SLIT3: variants seen among roughly 807,000 people sequenced by gnomAD.
SLIT3 encodes slit guidance ligand 3, also known as slit homolog 3 protein.
In SLIT3, 68 loss-of-function variants were observed where a neutral mutation model predicts 184.0. The observed-to-expected ratio is 0.37, with a 90% CI of 0.30 to 0.45. The LOEUF is 0.45. SLIT3 is among the 20% of genes least tolerant of loss of function. The pLI is 1.00. For missense variants in SLIT3, 1,707 were observed against 2,026.0 expected, an observed-to-expected ratio of 0.84 and a Z score of 3.02; for synonymous variants, 831 against 828.6, an observed-to-expected ratio of 1.00 and a Z score of -0.05.
At chr5:168,947,874 C>G (rs1331594856) in intron 4 of SLIT3, among the ~76,000 whole-genome samples, 1 of 151,988 alleles carries the variant, frequency 6.6e-6, no homozygotes, top group Non-Finnish European at 1.5e-5. Flanking sequence ...CTCACTGCAA[C>G]CTCTGTCTCC....
intron 26 of SLIT3, among the ~76,000 whole-genome samples, chr5:168,705,979 T>C (rs56220657): frequency 0.03 from 4,534 of 152,296 alleles, 234 homozygotes; most frequent in African/African-American, 0.1. Flanking sequence ...CTGGCCTTTA[T>C]TGATGATTCA....
At chr5:168,933,266 G>T (rs1212103434) in intron 4 of SLIT3, among the ~76,000 whole-genome samples, 1 of 151,246 alleles carries the variant, frequency 6.6e-6, no homozygotes, top group Non-Finnish European at 1.5e-5. Flanking sequence ...AGAGGAGGCT[G>T]GGCGCGGTGG....
intron 35 of SLIT3, among the ~76,000 whole-genome samples, chr5:168,668,918 G>A (rs1030764595): frequency 3.9e-5 from 6 of 152,344 alleles, no homozygotes; most frequent in South Asian, 4.1e-4. Flanking sequence ...ACAGGCGACC[G>A]CCATGATGCC....
At chr5:168,975,080 C>G (rs57736830) in intron 4 of SLIT3, among the ~76,000 whole-genome samples, 33,989 of 152,072 alleles carry the variant, frequency 0.22, 4,165 homozygotes, top group East Asian at 0.41. Context: ...CACACAGACC[C>G]CCCTACTGAG....
intron 4 of SLIT3, among the ~76,000 whole-genome samples, chr5:169,109,335 G>A (rs568275274): frequency 6.6e-6 from 1 of 152,314 alleles, no homozygotes; most frequent in South Asian, 2.1e-4. Flanking sequence ...CAAAAAGTGG[G>A]ACCCTTAGTC....
intron 11 of SLIT3, among the ~76,000 whole-genome samples, chr5:168,789,276 G>T (rs1176490425): frequency 3.4e-5 from 5 of 145,914 alleles, no homozygotes; most frequent in African/African-American, 5.1e-5. Context: ...CGTGGGGTGG[G>T]AGGGGGACGT....
intron 3 of SLIT3, among the ~76,000 whole-genome samples, chr5:169,202,164 G>A (rs1348701635): frequency 2.0e-5 from 3 of 152,070 alleles, no homozygotes; most frequent in Non-Finnish European, 4.4e-5. Context: ...CTTGGGAGGT[G>A]GAGGTTGCAG....
chr5:169,128,597 G>A (rs1197876460), intron 4 of SLIT3, among the ~76,000 whole-genome samples: 4 of 151,876 alleles, frequency 2.6e-5, no homozygotes, highest in African/African-American at 9.7e-5. Flanking sequence ...CCTGGCTAAT[G>A]TTTTTGTATT....
chr5:169,179,438 A>G (rs1035414793), intron 4 of SLIT3, among the ~76,000 whole-genome samples: 5 of 152,188 alleles, frequency 3.3e-5, no homozygotes, highest in Admixed American at 3.3e-4. Context: ...AGATGAAGCC[A>G]ACACAGCTTA....
At chr5:169,082,895 C>T (rs1410565596) in intron 4 of SLIT3, among the ~76,000 whole-genome samples, 1 of 152,240 alleles carries the variant, frequency 6.6e-6, no homozygotes, top group Non-Finnish European at 1.5e-5. Context: ...ACCACTCACA[C>T]ATTGACAAAT....
chr5:168,828,064 A>G (rs896507746), intron 6 of SLIT3, among the ~76,000 whole-genome samples: 1 of 152,232 alleles, frequency 6.6e-6, no homozygotes, highest in Admixed American at 6.5e-5. Flanking sequence ...GGCAAGGCAC[A>G]TAACTGCTCG....
intron 4 of SLIT3, among the ~76,000 whole-genome samples, chr5:169,053,123 T>C (rs957275042): frequency 1.3e-4 from 20 of 152,236 alleles, no homozygotes; most frequent in African/African-American, 4.8e-4. Context: ...TCTTCTGAAA[T>C]AAGCTCTGTA....
chr5:169,009,039 C>T (rs1222443656), intron 4 of SLIT3, among the ~76,000 whole-genome samples: 1 of 152,154 alleles, frequency 6.6e-6, no homozygotes, highest in East Asian at 1.9e-4. Flanking sequence ...ACCAAGGCAG[C>T]TTGACCTCTC....
At chr5:168,983,200 C>T (rs1755009500) in intron 4 of SLIT3, among the ~76,000 whole-genome samples, 1 of 152,152 alleles carries the variant, frequency 6.6e-6, no homozygotes, top group Non-Finnish European at 1.5e-5. Flanking sequence ...TATCTACTGG[C>T]TCCAGAAAAC....
chr5:168,700,690 A>G lies in SLIT3; in HGVS notation c.2845-11T>C, dbSNP rs768604014. The G allele has an allele frequency of 3.1e-6, 5 of 1,609,004 alleles. No individual in the cohort carries two copies. The South Asian group carries it at 5.5e-5, about 18-fold the overall frequency. On this transcript the variant is annotated splice_polypyrimidine_tract_variant and intron_variant, in intron 26 of 35. Transcript: ENST00000519560. The stretch of plus-strand genomic sequence containing the variant: ...AGTGCAGTCCTTGCCCTGAGGAGCA[A>G]AAGAGGGAGAAGCACCTGGTTAGGG...
intron 4 of SLIT3, among the ~76,000 whole-genome samples, chr5:168,985,728 A>T (rs1755100566): frequency 6.6e-6 from 1 of 152,094 alleles, no homozygotes; most frequent in Non-Finnish European, 1.5e-5. Flanking sequence ...TTGAACCGGG[A>T]GGCTGTGAGG....
At chr5:168,988,530 A>G (rs1222608488) in intron 4 of SLIT3, among the ~76,000 whole-genome samples, 1 of 152,166 alleles carries the variant, frequency 6.6e-6, no homozygotes, top group Non-Finnish European at 1.5e-5. Flanking sequence ...TGCAGGGTAT[A>G]GAAGGAGGGT....
At chr5:168,765,090 T>C (rs1755294771) in intron 14 of SLIT3, among the ~76,000 whole-genome samples, 1 of 152,294 alleles carries the variant, frequency 6.6e-6, no homozygotes, top group African/African-American at 2.4e-5. Context: ...GAAGGAACCC[T>C]GACTGCTGAT....
intron 4 of SLIT3, among the ~76,000 whole-genome samples, chr5:169,172,952 T>A (rs1298160717): frequency 2.0e-5 from 3 of 152,130 alleles, no homozygotes; most frequent in Admixed American, 2.0e-4. Flanking sequence ...CAGGGAGGGC[T>A]TCCTAGAGGT....
Sources: gnomAD v4.1 joint callset for allele counts (sites outside exome capture counted in the v4.1 genomes callset) on GRCh38, gnomAD v4.1.1 for gene constraint, MANE v1.5 for transcripts, NCBI Gene and HGNC (gene_info 2026-07-23, HGNC 2026-07-21) for gene names.